Variants in PATJ observed in about 807,000 individuals in gnomAD.
PATJ encodes the protein inaD-like protein.
A neutral mutation model predicts 224.9 loss-of-function variants in PATJ; 190 were observed. The observed-to-expected ratio is 0.84, with a 90% confidence interval of 0.75 to 0.95. The LOEUF is 0.95. Ranked by LOEUF, PATJ falls within the 40% of genes least tolerant of loss-of-function variation. PATJ has a pLI of 0.00. For missense variants in PATJ, 2,121 were observed against 2,270.3 expected, an observed-to-expected ratio of 0.93 and a Z score of 1.34; for synonymous variants, 769 against 820.3, an observed-to-expected ratio of 0.94 and a Z score of 1.07.
chr1:62,006,436 G>A (rs919719658), intron 28 of PATJ, among the ~76,000 whole-genome samples: 1 of 152,204 alleles, frequency 6.6e-6, no homozygotes, highest in African/African-American at 2.4e-5. Flanking sequence ...TTCTATTCAT[G>A]TTAGTTGAAC....
At position 62,108,480 on chromosome 1, in the gene PATJ, C is replaced by G. The variant is rs747184407; in HGVS notation, c.4421C>G (p.Ala1474Gly). 1.2e-6 allele frequency: 2 copies of G among 1,609,716 alleles called. No individual in the cohort carries two copies. The highest frequency in any genetic ancestry group is 1.7e-4 in the Middle Eastern group (1 of 6,038). ...IHEVYEEGAAARDGRLWAGDQ... is the reference protein window; with the variant it reads ...IHEVYEEGAAGRDGRLWAGDQ... ...GAAGTCTATGAAGAAGGGGCAGCAG[C>G]CAGAGATGGAAGACTTTGGGCTGGT... Residue 1474 changes from alanine (A) to glycine (G), a missense_variant, in exon 34 of 44, where the codon GCC becomes GGC. Transcript: ENST00000642238.
chr1:62,016,872 T>C (rs912731543), intron 28 of PATJ, among the ~76,000 whole-genome samples: 2 of 152,216 alleles, frequency 1.3e-5, no homozygotes, highest in Admixed American at 6.5e-5. Context: ...TAATGGGCTC[T>C]CCAGAGCTCC....
intron 31 of PATJ, among the ~76,000 whole-genome samples, chr1:62,062,389 C>CTTTTTTTTT (rs1655633684): frequency 7.5e-5 from 1 of 13,354 alleles, no homozygotes; most frequent in African/African-American, 3.1e-4. Flanking sequence ...TCTATGTTGT[C>CTTTTTTTTT]TTCTTTTTTT....
At chr1:62,111,787 A>G (rs1663849513) in intron 34 of PATJ, among the ~76,000 whole-genome samples, 1 of 151,828 alleles carries the variant, frequency 6.6e-6, no homozygotes, top group South Asian at 2.1e-4. Context: ...CAGCCTCCCA[A>G]GTAGCTGGGA....
intron 20 of PATJ, among the ~76,000 whole-genome samples, chr1:61,873,943 ACC>A (rs1667005691): frequency 1.3e-5 from 2 of 151,430 alleles, no homozygotes; most frequent in Admixed American, 1.3e-4. Flanking sequence ...TGCTTGCGGG[ACC>A]CCCTCTCTTT....
intron 27 of PATJ, among the ~76,000 whole-genome samples, chr1:61,933,306 T>C (rs1402358167): frequency 6.6e-6 from 1 of 151,984 alleles, no homozygotes; most frequent in East Asian, 1.9e-4. Flanking sequence ...TTTGGGAGGC[T>C]GAGGCAGGCG....
At chr1:62,154,293 G>GC (rs1668936087) in intron 43 of PATJ, among the ~76,000 whole-genome samples, 2 of 151,422 alleles carry the variant, frequency 1.3e-5, no homozygotes, top group Non-Finnish European at 2.9e-5. Flanking sequence ...TGATACTACA[G>GC]TTTTTTTTTC....
intron 27 of PATJ, among the ~76,000 whole-genome samples, chr1:61,977,130 C>T (rs934538366): frequency 3.3e-5 from 5 of 152,162 alleles, no homozygotes; most frequent in Admixed American, 2.0e-4. Context: ...CTCTGTTGCT[C>T]GGGCTGGAGT....
intron 33 of PATJ, among the ~76,000 whole-genome samples, chr1:62,107,895 G>T (rs1208770216): frequency 1.3e-5 from 2 of 152,136 alleles, no homozygotes; most frequent in African/African-American, 4.8e-5. Flanking sequence ...TTACAAGAAG[G>T]CAGAGTCAGG....
chr1:62,098,876 T>A (rs1193303103), intron 33 of PATJ, among the ~76,000 whole-genome samples: 1 of 152,194 alleles, frequency 6.6e-6, no homozygotes, highest in African/African-American at 2.4e-5. Flanking sequence ...AAATTTTTTT[T>A]ATTTTTTTTA....
At chr1:61,916,108 A>C (rs944708449) in intron 26 of PATJ, among the ~76,000 whole-genome samples, 1 of 152,190 alleles carries the variant, frequency 6.6e-6, no homozygotes, top group Non-Finnish European at 1.5e-5. Flanking sequence ...GTATGTAGAC[A>C]TAAAATTGAC....
intron 17 of PATJ, among the ~76,000 whole-genome samples, chr1:61,841,062 T>C (rs1570822719): frequency 1.3e-5 from 2 of 152,110 alleles, no homozygotes; most frequent in African/African-American, 4.8e-5. Flanking sequence ...TATATGGCGG[T>C]AATTAATTTA....
chr1:61,817,431 A>C (rs1570684329), intron 14 of PATJ, among the ~76,000 whole-genome samples: 1 of 152,164 alleles, frequency 6.6e-6, no homozygotes, highest in East Asian at 1.9e-4. Flanking sequence ...TGGGAGGCCG[A>C]GGTGGGTGGA....
Position 61,763,001 on chromosome 1 carries a change from T to C in PATJ, c.23-12T>C. On this transcript the variant is annotated splice_polypyrimidine_tract_variant and intron_variant, in intron 2 of 43. Coordinates refer to ENST00000642238, the MANE Select transcript of PATJ (RefSeq NM_001350145.3). ...ACTTAACTATTACTCTACTTATTCA[T>C]CTTGACCCAAGATAAACTGCAGGTG... 6.2e-7 allele frequency: 1 copy of C among 1,603,802 alleles called. No individual in the cohort carries two copies. The highest frequency in any genetic ancestry group is 8.5e-7 in the Non-Finnish European group (1 of 1,174,652).
At chr1:62,139,037 C>G (rs112823633) in intron 41 of PATJ, among the ~76,000 whole-genome samples, 1 of 152,044 alleles carries the variant, frequency 6.6e-6, no homozygotes, top group African/African-American at 2.4e-5. Context: ...TGGGTTTCCT[C>G]TGCCCCCATC....
At chr1:61,999,563 G>A (rs1310866299) in intron 28 of PATJ, among the ~76,000 whole-genome samples, 1 of 151,990 alleles carries the variant, frequency 6.6e-6, no homozygotes, top group Non-Finnish European at 1.5e-5. Context: ...AGCTACTCGG[G>A]GGGCTGAGGC....
At chr1:62,084,685 G>C (rs1198367486) in intron 33 of PATJ, 37 bp downstream of exon 33, 3 of 1,603,524 alleles carry the variant, frequency 1.9e-6, no homozygotes, top group Non-Finnish European at 1.7e-6. Context: ...CACTGTCATA[G>C]AACTAGTTGT....
At chr1:61,816,766 G>C (rs1481404830) in intron 14 of PATJ, among the ~76,000 whole-genome samples, 1 of 152,122 alleles carries the variant, frequency 6.6e-6, no homozygotes, top group Non-Finnish European at 1.5e-5. Flanking sequence ...TTTATACTTT[G>C]CTGCTCTCTT....
rs554470775 is a variant in PATJ at position 61,766,913 on chromosome 1, C to T, written c.384+440C>T. 1.7e-3 allele frequency among the ~76,000 whole-genome samples: 258 copies of T among 152,114 alleles called. 3 individuals carry two copies. The highest frequency in any genetic ancestry group is 1.4e-3 in the Non-Finnish European group (93 of 67,986). On this transcript the variant is annotated intron_variant, in intron 4 of 43. Coordinates refer to ENST00000642238, the MANE Select transcript of PATJ (RefSeq NM_001350145.3). The stretch of plus-strand genomic sequence containing the variant: ...TTTGAGACTAGCCCGACCAACATGG[C>T]AAAACCCTGTCTCTACTAAAAATAG...
Sources: gnomAD v4.1 joint callset for allele counts (sites outside exome capture counted in the v4.1 genomes callset) on GRCh38, gnomAD v4.1.1 for gene constraint, MANE v1.5 for transcripts, NCBI Gene and HGNC (gene_info 2026-07-23, HGNC 2026-07-21) for gene names.